SCARA5: variants seen among roughly 807,000 people sequenced by gnomAD.
The protein encoded by SCARA5 is scavenger receptor class A, member 5 (putative).
SCARA5 carries 45 observed loss-of-function variants against 46.3 expected under a neutral mutation model. The ratio of observed to expected loss-of-function variants is 0.97; its 90% CI spans 0.76 to 1.24. SCARA5 has a LOEUF of 1.24. SCARA5 is among the 50% of genes most tolerant of loss of function. The probability of loss-of-function intolerance (pLI) is 0.00; values close to 1 mark genes in which losing one functional copy is unlikely to be tolerated. For missense variants in SCARA5, 680 were observed against 689.0 expected (o/e 0.99, Z 0.15); for synonymous variants, 333 against 306.5 (o/e 1.09, Z -0.90).
rs1192416050 is a variant in SCARA5, at chr8:27,870,890, A to G, written c.*1044T>C. ...TCACCTCCAAACAGCTGAGACACAC[A>G]TGACTTGGCTTTAACCGTGACTGCC... On this transcript the variant is annotated 3_prime_UTR_variant, in exon 9 of 9. Transcript: ENST00000354914. The G allele has an allele frequency of 6.6e-6, 1 of 152,240 alleles. No homozygotes were observed. The highest frequency in any genetic ancestry group is 2.4e-5 in the African/African-American group (1 of 41,442). The allele number at this position is 152,240 out of a possible 1,614,324, so 9.4% of individuals were successfully genotyped here. A position where few individuals can be genotyped will look rare whatever the true frequency, so the allele number is the denominator to read the frequency against.
At chr8:27,956,477 C>T (rs1808209231) in intron 3 of SCARA5, among the ~76,000 whole-genome samples, 1 of 152,126 alleles carries the variant, frequency 6.6e-6, no homozygotes, top group Non-Finnish European at 1.5e-5. Flanking sequence ...CTAGTATAAG[C>T]CAGGCATTGT....
intron 2 of SCARA5, among the ~76,000 whole-genome samples, chr8:27,983,292 C>A (rs561453418): frequency 6.6e-6 from 1 of 152,300 alleles, no homozygotes; most frequent in Non-Finnish European, 1.5e-5. Flanking sequence ...AAGGCTGGTG[C>A]CTGGACAGGG....
chr8:27,984,037 GC>G (rs1436611992), intron 2 of SCARA5, among the ~76,000 whole-genome samples: 1 of 152,058 alleles, frequency 6.6e-6, no homozygotes, highest in Non-Finnish European at 1.5e-5. Flanking sequence ...CTCAAGGGCG[GC>G]CCTGACCGGA....
At chr8:27,918,809 G>A (rs1807519824) in intron 4 of SCARA5, among the ~76,000 whole-genome samples, 1 of 145,574 alleles carries the variant, frequency 6.9e-6, no homozygotes, top group Non-Finnish European at 1.5e-5. Flanking sequence ...GGAGGAGGAG[G>A]GGAAGGAAAA....
At position 27,907,325 on chromosome 8, in the gene SCARA5, G is replaced by T. The variant is rs558248046; in HGVS notation, c.998-79C>A. On this transcript the variant is annotated intron_variant, in intron 5 of 8. Transcript: ENST00000354914. ...CTCAGAGGTCATCGTCGGGTTCAAG[G>T]CTCAGCCTCCCCCATGCATCCTCTC... is the stretch of plus-strand genomic sequence containing the variant. 28 of 993,464 alleles carry T rather than the reference G, an allele frequency of 2.8e-5. No individual in the cohort carries two copies. The African/African-American group carries it at 3.7e-4, about 13-fold the overall frequency. 61.5% of individuals were successfully genotyped at this position (993,464 alleles called of 1,614,324 possible).
chr8:27,879,473 G>A, intron 8 of SCARA5, 96 bp downstream of exon 8: 1 of 1,234,226 alleles, frequency 8.1e-7, no homozygotes, highest in Non-Finnish European at 1.2e-6. Context: ...GGGACCTCGC[G>A]GAATTGCAGT....
At chr8:27,884,654 G>A (rs75242354) in intron 7 of SCARA5, among the ~76,000 whole-genome samples, 5 of 152,290 alleles carry the variant, frequency 3.3e-5, no homozygotes, top group East Asian at 1.9e-4. Flanking sequence ...CAAGGTAGAC[G>A]GTCGGAGACT....
intron 3 of SCARA5, among the ~76,000 whole-genome samples, chr8:27,942,811 T>C (rs907280189): frequency 2.0e-5 from 3 of 152,218 alleles, no homozygotes; most frequent in African/African-American, 7.2e-5. Flanking sequence ...TTCTTAATGC[T>C]GAAGCCTGCT....
chr8:27,966,459 A>T lies in SCARA5; in HGVS notation c.196T>A (p.Tyr66Asn). The T allele has an allele frequency of 6.2e-7, 1 of 1,613,716 alleles. No individual in the cohort carries two copies. Among genetic ancestry groups the T allele is most frequent in the Non-Finnish European group, 8.5e-7 (1 of 1,179,852 alleles). Residue 66 changes from tyrosine to asparagine, a missense_variant, in exon 3 of 9, where the codon TAC becomes AAC. Physicochemically the swap from Tyr to Asn is moderately radical, Grantham distance 143. Transcript: ENST00000354914. ...ACAAGAATCAGGAAGACCAGCAGGT[A>T]GAGCCCCAGGACAGCATGCTTCAGG... ...SALKHAVLGL[Y>N]LLVFLILVGI... is the part of the protein sequence containing the mutation.
chr8:27,895,351 T>C (rs1163471345), intron 7 of SCARA5, among the ~76,000 whole-genome samples: 1 of 152,082 alleles, frequency 6.6e-6, no homozygotes. Context: ...CGGCAGGAAA[T>C]GTGATCCATA....
At chr8:27,992,126 G>C (rs1354127765) in intron 1 of SCARA5, 131 bp downstream of exon 1, 1 of 152,256 alleles carries the variant, frequency 6.6e-6, no homozygotes, top group Non-Finnish European at 1.5e-5. Context: ...CCTGGAGAAG[G>C]CACCTCCAGG....
At chr8:27,953,769 G>A (rs934309517) in intron 3 of SCARA5, among the ~76,000 whole-genome samples, 10 of 152,222 alleles carry the variant, frequency 6.6e-5, no homozygotes, top group Admixed American at 1.3e-4. Context: ...GGGCCCATTG[G>A]GGGAGTCACC....
chr8:27,907,210 C>G lies in SCARA5; in HGVS notation c.1034G>C (p.Gly345Ala). The G allele has an allele frequency of 1.2e-6, 2 of 1,613,660 alleles. No individual in the cohort carries two copies. Among genetic ancestry groups the G allele is most frequent in the Non-Finnish European group, 1.7e-6 (2 of 1,179,820 alleles). The change falls in exon 6 of 9, where the codon GGG becomes GCG. Residue 345 changes from glycine to alanine, a missense_variant. This residue lies in a region of SCARA5 where 219 missense variants were observed against 269.5 expected (regional missense o/e 0.81). Transcript: ENST00000354914. ...CAGCTTCCCATCATCGCCCTTGGGC[C>G]CGGGCAATCCTGGGGTACCTCTCTC... is the stretch of plus-strand genomic sequence containing the variant. ...PGERGTPGLP[G>A]PKGDDGKLGA... is the part of the protein sequence containing the mutation.
chr8:27,900,514 C>A (rs553002913), intron 7 of SCARA5, among the ~76,000 whole-genome samples: 4 of 152,300 alleles, frequency 2.6e-5, no homozygotes, highest in African/African-American at 7.2e-5. Context: ...TTCAAGTGCT[C>A]TAAGCCATGA....
chr8:27,927,775 C>T (rs747182623), intron 3 of SCARA5, among the ~76,000 whole-genome samples: 47 of 152,042 alleles, frequency 3.1e-4, no homozygotes, highest in Admixed American at 8.5e-4. Context: ...AAAATTCCAG[C>T]CGAACTACTT....
chr8:27,971,645 G>C (rs752653751), intron 2 of SCARA5, among the ~76,000 whole-genome samples: 3 of 152,190 alleles, frequency 2.0e-5, no homozygotes, highest in Non-Finnish European at 4.4e-5. Context: ...TTTTGCAGTG[G>C]CCTCCAGAAG....
intron 3 of SCARA5, among the ~76,000 whole-genome samples, chr8:27,932,168 TG>T (rs1302614882): frequency 2.0e-5 from 3 of 152,020 alleles, no homozygotes; most frequent in Admixed American, 1.3e-4. Context: ...TGTGTAGAGA[TG>T]GGGTTTCACC....
chr8:27,872,284 G>A (rs1343233554), intron 8 of SCARA5, among the ~76,000 whole-genome samples: 1 of 152,186 alleles, frequency 6.6e-6, no homozygotes, highest in Non-Finnish European at 1.5e-5. Flanking sequence ...GGTGATGATG[G>A]TAGTAGCTAC....
intron 1 of SCARA5, 57 bp from the exon 2 acceptor site, chr8:27,987,687 G>T: frequency 9.8e-7 from 1 of 1,020,170 alleles, no homozygotes. Flanking sequence ...GAGAGACAGA[G>T]AATCAACTGT....
Sources: allele counts gnomAD v4.1 joint callset (sites outside exome capture counted in the v4.1 genomes callset), GRCh38; gene constraint gnomAD v4.1.1; regional missense constraint gnomAD v4.1.1; transcripts MANE v1.5; gene names NCBI Gene and HGNC (gene_info 2026-07-23, HGNC 2026-07-21).